Variants in BNC2 observed in about 807,000 individuals in gnomAD.
BNC2 encodes the protein basonuclin zinc finger protein 2, also known as zinc finger protein basonuclin-2.
Under a neutral mutation model 76.3 loss-of-function variants are expected in BNC2, and 20 were observed. The observed-to-expected ratio is 0.26, with a 90% confidence interval of 0.18 to 0.38. The LOEUF (loss-of-function observed/expected upper bound fraction) is 0.38, where lower values mean the gene tolerates loss of function less well. Among genes scored for constraint, BNC2 ranks in the 10% least tolerant of loss-of-function variants. The probability of loss-of-function intolerance (pLI) is 1.00; values close to 1 mark genes in which losing one functional copy is unlikely to be tolerated. For missense variants in BNC2, 1,382 were observed against 1,399.8 expected, an observed-to-expected ratio of 0.99 and a Z score of 0.20; for synonymous variants, 582 against 514.8, an observed-to-expected ratio of 1.13 and a Z score of -1.77.
At chr9:16,752,291 T>C (rs1825241641) in intron 1 of BNC2, among the ~76,000 whole-genome samples, 2 of 152,236 alleles carry the variant, frequency 1.3e-5, no homozygotes, top group South Asian at 4.1e-4. Context: ...TATTTGCAAA[T>C]GCTTTCACTT....
At chr9:16,586,816 G>A (rs1460471075) in intron 3 of BNC2, among the ~76,000 whole-genome samples, 1 of 152,134 alleles carries the variant, frequency 6.6e-6, no homozygotes, top group African/African-American at 2.4e-5. Flanking sequence ...GGGGTTTGGG[G>A]GCAGTGAGTT....
chr9:16,801,116 C>A (rs1014405898), intron 1 of BNC2, among the ~76,000 whole-genome samples: 101 of 152,220 alleles, frequency 6.6e-4, no homozygotes, highest in African/African-American at 2.4e-3. Flanking sequence ...AAAGTATATC[C>A]CCTACACAAT....
intron 1 of BNC2, among the ~76,000 whole-genome samples, chr9:16,775,347 C>T (rs1586873383): frequency 6.6e-6 from 1 of 151,386 alleles, no homozygotes; most frequent in Non-Finnish European, 1.5e-5. Flanking sequence ...CTGCTGGCTC[C>T]ACAGTGAAGG....
intron 1 of BNC2, among the ~76,000 whole-genome samples, chr9:16,756,081 G>C (rs1004720125): frequency 1.3e-5 from 2 of 152,140 alleles, no homozygotes; most frequent in African/African-American, 4.8e-5. Context: ...TATCAAAAGG[G>C]ACAACCCTTT....
At chr9:16,421,062 A>T (rs924257274) in intron 6 of BNC2, among the ~76,000 whole-genome samples, 3 of 152,222 alleles carry the variant, frequency 2.0e-5, no homozygotes, top group African/African-American at 7.2e-5. Context: ...AAAAGTATGG[A>T]AGACCAAAAT....
intron 1 of BNC2, among the ~76,000 whole-genome samples, chr9:16,788,304 A>G (rs1826355545): frequency 1.3e-5 from 2 of 152,118 alleles, no homozygotes; most frequent in Non-Finnish European, 2.9e-5. Flanking sequence ...CTGTAATCCC[A>G]GCACTCTGGG....
chr9:16,595,406 C>G (rs1820038506), intron 3 of BNC2, among the ~76,000 whole-genome samples: 1 of 152,066 alleles, frequency 6.6e-6, no homozygotes, highest in African/African-American at 2.4e-5. Context: ...TATGTTAGGT[C>G]ATAGATTCCC....
chr9:16,863,437 G>GTAA (rs1465595199), intron 1 of BNC2, among the ~76,000 whole-genome samples: 1 of 151,914 alleles, frequency 6.6e-6, no homozygotes, highest in Non-Finnish European at 1.5e-5. Flanking sequence ...GGATCACACT[G>GTAA]TAATCCCAGC....
At chr9:16,440,683 C>A (rs947884928) in intron 5 of BNC2, among the ~76,000 whole-genome samples, 5 of 152,178 alleles carry the variant, frequency 3.3e-5, no homozygotes, top group Admixed American at 1.3e-4. Context: ...ACAGAGCAGT[C>A]CCATATGGTT....
chr9:16,706,049 T>C (rs2297175), intron 3 of BNC2, among the ~76,000 whole-genome samples: 15,605 of 152,316 alleles, frequency 0.1, 1,267 homozygotes, highest in East Asian at 0.4. Flanking sequence ...AAAGTATGTA[T>C]ACCAAATGAA....
At chr9:16,778,234 C>A (rs1826023235) in intron 1 of BNC2, among the ~76,000 whole-genome samples, 2 of 152,154 alleles carry the variant, frequency 1.3e-5, no homozygotes, top group Admixed American at 1.3e-4. Context: ...TGTAAAGATA[C>A]ATACACACAA....
At chr9:16,632,030 A>T (rs1236400140) in intron 3 of BNC2, among the ~76,000 whole-genome samples, 1 of 152,164 alleles carries the variant, frequency 6.6e-6, no homozygotes, top group Non-Finnish European at 1.5e-5. Context: ...AGAATGGCAG[A>T]CAGGGTAAGG....
At chr9:16,478,738 T>C (rs1349718912) in intron 5 of BNC2, among the ~76,000 whole-genome samples, 1 of 152,164 alleles carries the variant, frequency 6.6e-6, no homozygotes, top group Non-Finnish European at 1.5e-5. Flanking sequence ...ATATTAACCA[T>C]ACAGCTGCTG....
intron 1 of BNC2, among the ~76,000 whole-genome samples, chr9:16,861,017 G>A (rs1037323898): frequency 7.2e-6 from 1 of 139,724 alleles, no homozygotes. Context: ...CTGCCTGAGC[G>A]CCAGAGCAAG....
intron 3 of BNC2, among the ~76,000 whole-genome samples, chr9:16,654,481 C>G (rs1821873674): frequency 6.6e-6 from 1 of 152,136 alleles, no homozygotes; most frequent in Non-Finnish European, 1.5e-5. Context: ...CCAAATCCTC[C>G]TGAAACAGAC....
chr9:16,520,637 T>A (rs527282039), intron 5 of BNC2, among the ~76,000 whole-genome samples: 33 of 152,256 alleles, frequency 2.2e-4, no homozygotes, highest in Admixed American at 5.2e-4. Flanking sequence ...GGAGACTCCT[T>A]TCATCCCAGC....
At chr9:16,447,008 T>C (rs1261522402) in intron 5 of BNC2, among the ~76,000 whole-genome samples, 1 of 152,166 alleles carries the variant, frequency 6.6e-6, no homozygotes, top group Non-Finnish European at 1.5e-5. Context: ...CTTTCTGCAA[T>C]GTCTGGAATT....
chr9:16,425,287 C>T (rs1296375234), intron 6 of BNC2, among the ~76,000 whole-genome samples: 2 of 152,118 alleles, frequency 1.3e-5, no homozygotes, highest in African/African-American at 2.4e-5. Flanking sequence ...TGCACAGATA[C>T]GGCACGTCTG....
intron 3 of BNC2, among the ~76,000 whole-genome samples, chr9:16,696,301 C>G (rs1823335887): frequency 6.6e-6 from 1 of 152,174 alleles, no homozygotes; most frequent in Non-Finnish European, 1.5e-5. Context: ...ATCTTCTCCT[C>G]CTTCTTCATG....
Sources: allele counts gnomAD v4.1 joint callset (sites outside exome capture counted in the v4.1 genomes callset), GRCh38; gene constraint gnomAD v4.1.1; transcripts MANE v1.5; gene names NCBI Gene and HGNC (gene_info 2026-07-23, HGNC 2026-07-21).